Variants in CFAP47 observed in about 807,000 individuals in gnomAD.
CFAP47 encodes the protein cilia- and flagella-associated protein 47.
Under a neutral mutation model 148.1 loss-of-function variants are expected in CFAP47, and 29 were observed. The observed-to-expected ratio is 0.20, with a 90% CI of 0.15 to 0.27. CFAP47 has a LOEUF of 0.27. CFAP47 is among the 10% of genes least tolerant of loss of function. The pLI, the probability that CFAP47 is intolerant of heterozygous loss-of-function variation, is 1.00. For missense variants in CFAP47, 1,872 were observed against 1,697.5 expected (o/e 1.10, Z -1.81); for synonymous variants, 664 against 577.3 (o/e 1.15, Z -2.15).
chrX:36,370,148 C>T (rs899144675), intron 62 of CFAP47, among the ~76,000 whole-genome samples: 24 of 110,875 alleles, frequency 2.2e-4, no homozygotes, highest in Non-Finnish European at 3.6e-4. Context: ...ATGTGCACAA[C>T]GTGCAGGTTT....
At chrX:36,031,643 TTCTCCTTATACAAATGG>T (rs1937280390) in intron 23 of CFAP47, among the ~76,000 whole-genome samples, 1 of 109,791 alleles carries the variant, frequency 9.1e-6, no homozygotes, top group Non-Finnish European at 1.9e-5. Flanking sequence ...AATTATTCCA[TTCTCCTTATACAAATGG>T]AAGCTATGAT....
intron 32 of CFAP47, among the ~76,000 whole-genome samples, chrX:36,103,115 T>A (rs957670015): frequency 1.8e-5 from 2 of 111,303 alleles, no homozygotes; most frequent in Admixed American, 1.9e-4. Flanking sequence ...TCACATGTAC[T>A]TGACTGTAAG....
intron 50 of CFAP47, among the ~76,000 whole-genome samples, chrX:36,283,061 G>A (rs1439763763): frequency 1.8e-5 from 2 of 110,671 alleles, no homozygotes; most frequent in South Asian, 7.5e-4. Context: ...ATACACCCCA[G>A]TATATTTATG....
At chrX:36,096,215 T>C (rs1212186795) in intron 30 of CFAP47, among the ~76,000 whole-genome samples, 1 of 111,599 alleles carries the variant, frequency 9.0e-6, no homozygotes, top group African/African-American at 3.2e-5. Flanking sequence ...ATGCTTGATA[T>C]AATTGAATGT....
In CFAP47 at chrX:36,104,512, C is replaced by T; in HGVS notation, c.5141C>T (p.Ser1714Phe). ...FLQIYKVLVLSRVVPYCSNNM... is the reference protein window; with the variant it reads ...FLQIYKVLVLFRVVPYCSNNM... ...TCCCAATTTCAGGTTTTGGTTCTAT[C>T]CCGTGTAGTGCCATACTGCAGCAAT... Residue 1714 changes from serine (S) to phenylalanine (F), a missense_variant, in exon 33 of 64, where the codon TCC (serine) becomes TTC (phenylalanine). By Grantham distance (155) the Ser-to-Phe change is radical (BLOSUM62 -2). Transcript: ENST00000378653. 2.3e-6 allele frequency: 2 copies of T among 879,019 alleles called. No individual in the cohort carries two copies. The highest frequency in any genetic ancestry group is 3.1e-6 in the Non-Finnish European group (2 of 649,544). 72.4% of individuals were successfully genotyped at this position (879,019 alleles called of 1,213,427 possible).
chrX:35,967,481 T>G, intron 9 of CFAP47, 138 bp from the exon 10 acceptor site: 1 of 366,092 alleles, frequency 2.7e-6, no homozygotes. Flanking sequence ...ATTAATGATT[T>G]GTATTTTCCA....
chrX:35,955,475 C>T (rs1477493238), intron 7 of CFAP47, among the ~76,000 whole-genome samples: 1 of 111,730 alleles, frequency 9.0e-6, no homozygotes, highest in Non-Finnish European at 1.9e-5. Flanking sequence ...AAGTTCCTGC[C>T]CTAGCGTATT....
intron 8 of CFAP47, among the ~76,000 whole-genome samples, chrX:35,960,407 A>AAAAAAAAAAAAAAAAAAAAAAT (rs1936313231): frequency 1.0e-5 from 1 of 99,998 alleles, no homozygotes; most frequent in African/African-American, 3.7e-5. Context: ...AAAAAAAAAA[A>AAAAAAAAAAAAAAAAAAAAAAT]GGACAGCTGG....
chrX:36,064,914 G>T (rs1201573754), intron 26 of CFAP47, among the ~76,000 whole-genome samples: 1 of 111,709 alleles, frequency 9.0e-6, no homozygotes, highest in Non-Finnish European at 1.9e-5. Context: ...GAGTATGCAG[G>T]TTATAGAAGG....
chrX:36,165,937 C>G (rs1939483716), intron 39 of CFAP47, among the ~76,000 whole-genome samples: 1 of 111,451 alleles, frequency 9.0e-6, no homozygotes, highest in Admixed American at 9.6e-5. Flanking sequence ...TACTTAAAGG[C>G]TCTTTCTCCA....
rs187249845 is a variant in CFAP47 at position 35,924,213 on chromosome X, G to A, written c.250-1804G>A. 3.9e-3 allele frequency among the ~76,000 whole-genome samples: 405 copies of A among 103,401 alleles called. 13 individuals carry two copies. The highest frequency in any genetic ancestry group is 9.6e-3 in the African/African-American group (253 of 26,304). 89.8% of individuals were successfully genotyped at this position (103,401 alleles called of 115,157 possible). A position where few individuals can be genotyped will look rare whatever the true frequency, so the allele number is the denominator to read the frequency against. On this transcript the variant is annotated intron_variant, in intron 1 of 63. Coordinates refer to ENST00000378653, the MANE Select transcript of CFAP47 (RefSeq NM_001304548.2). ...TATGTGTATATATGGACATGTATGTGTGCATGTATGTGTATATATGGACAT... is the reference window on the plus strand; with the variant it reads ...TATGTGTATATATGGACATGTATGTATGCATGTATGTGTATATATGGACAT...
intron 57 of CFAP47, among the ~76,000 whole-genome samples, chrX:36,327,428 G>A (rs782595030): frequency 6.2e-5 from 7 of 112,051 alleles, no homozygotes; most frequent in African/African-American, 1.9e-4. Flanking sequence ...ACCATCTCAC[G>A]CTAGTCAGAA....
At chrX:36,295,539 A>G (rs2146953938) in intron 51 of CFAP47, among the ~76,000 whole-genome samples, 1 of 112,211 alleles carries the variant, frequency 8.9e-6, no homozygotes, top group East Asian at 2.8e-4. Context: ...CTGTAATCAT[A>G]TAGCTAACCT....
chrX:36,049,513 C>CAT (rs1239794887), intron 26 of CFAP47, among the ~76,000 whole-genome samples: 1 of 109,864 alleles, frequency 9.1e-6, no homozygotes, highest in Non-Finnish European at 1.9e-5. Context: ...CACACACACA[C>CAT]ACACACACAC....
At chrX:36,340,895 GT>G in intron 57 of CFAP47, among the ~76,000 whole-genome samples, 1 of 111,102 alleles carries the variant, frequency 9.0e-6, no homozygotes, top group East Asian at 2.8e-4. Context: ...TTTGAAAATG[GT>G]TAATGAAAAG....
intron 1 of CFAP47, among the ~76,000 whole-genome samples, chrX:35,924,398 T>C (rs1935688222): frequency 9.5e-6 from 1 of 104,756 alleles, no homozygotes; most frequent in Non-Finnish European, 1.9e-5. Context: ...TGTGTATATA[T>C]GCACACACAT....
At chrX:36,049,581 A>G (rs1395349483) in intron 26 of CFAP47, among the ~76,000 whole-genome samples, 1 of 110,821 alleles carries the variant, frequency 9.0e-6, no homozygotes, top group Non-Finnish European at 1.9e-5. Context: ...AGTCTACTCA[A>G]TAAGTACTGA....
At chrX:35,950,908 G>A (rs1936153269) in intron 4 of CFAP47, among the ~76,000 whole-genome samples, 1 of 111,595 alleles carries the variant, frequency 9.0e-6, no homozygotes, top group Non-Finnish European at 1.9e-5. Context: ...TGAAGACAGT[G>A]AATTAGGCTG....
chrX:36,341,286 C>T (rs1232080634), intron 57 of CFAP47, among the ~76,000 whole-genome samples: 3 of 110,722 alleles, frequency 2.7e-5, no homozygotes, highest in Non-Finnish European at 5.7e-5. Flanking sequence ...CTGCCCGCCT[C>T]GGCCTCCCAA....
Sources: allele counts gnomAD v4.1 joint callset (sites outside exome capture counted in the v4.1 genomes callset), GRCh38; gene constraint gnomAD v4.1.1; transcripts MANE v1.5; gene names NCBI Gene and HGNC (gene_info 2026-07-23, HGNC 2026-07-21).